Variants in CACNA1I observed in about 807,000 individuals in gnomAD.
CACNA1I encodes the protein voltage-dependent T-type calcium channel subunit alpha-1I.
CACNA1I carries 74 observed loss-of-function variants against 201.6 expected under a neutral mutation model. The ratio of observed to expected loss-of-function variants is 0.37; its 90% CI spans 0.30 to 0.45. The LOEUF (loss-of-function observed/expected upper bound fraction) is 0.45, where lower values mean the gene tolerates loss of function less well. Among genes scored for constraint, CACNA1I ranks in the 20% least tolerant of loss-of-function variants. The pLI is 1.00. For missense variants in CACNA1I, 2,346 were observed against 3,138.1 expected, an observed-to-expected ratio of 0.75 and a Z score of 6.03; for synonymous variants, 1,431 against 1,345.2, an observed-to-expected ratio of 1.06 and a Z score of -1.40.
intron 7 of CACNA1I, among the ~76,000 whole-genome samples, chr22:39,646,056 G>T (rs537344536): frequency 1.3e-5 from 2 of 152,092 alleles, no homozygotes; most frequent in Non-Finnish European, 2.9e-5. Flanking sequence ...AGGCGGATGG[G>T]GGCTAGGCCA....
At chr22:39,635,922 G>T (rs969674942) in intron 5 of CACNA1I, among the ~76,000 whole-genome samples, 3 of 152,028 alleles carry the variant, frequency 2.0e-5, no homozygotes, top group Non-Finnish European at 4.4e-5. Context: ...AGCCCTGCTG[G>T]GTTTTCTTCT....
chr22:39,613,805 G>A (rs1933452239), intron 3 of CACNA1I, among the ~76,000 whole-genome samples: 2 of 152,000 alleles, frequency 1.3e-5, no homozygotes, highest in Admixed American at 6.6e-5. Context: ...GAGCTCCTGG[G>A]TCCCTTGGTA....
At chr22:39,622,749 T>G (rs977822070) in intron 4 of CACNA1I, among the ~76,000 whole-genome samples, 6 of 117,878 alleles carry the variant, frequency 5.1e-5, no homozygotes, top group African/African-American at 1.6e-4. Context: ...CCAGTCCAGG[T>G]CCTCCTTGAG....
At chr22:39,602,920 G>A (rs181414566) in intron 3 of CACNA1I, among the ~76,000 whole-genome samples, 2 of 152,186 alleles carry the variant, frequency 1.3e-5, no homozygotes, top group African/African-American at 4.8e-5. Flanking sequence ...GGGAGGCCGA[G>A]GCAAGAGGAT....
chr22:39,618,546 T>G (rs1054666577), intron 3 of CACNA1I, among the ~76,000 whole-genome samples: 1 of 151,974 alleles, frequency 6.6e-6, no homozygotes, highest in African/African-American at 2.4e-5. Context: ...GAGCTTTCAC[T>G]CAATGACTCT....
intron 8 of CACNA1I, among the ~76,000 whole-genome samples, chr22:39,647,165 A>T (rs967549798): frequency 6.0e-5 from 2 of 33,216 alleles, no homozygotes; most frequent in South Asian, 9.5e-4. Flanking sequence ...TCGGCCTCGG[A>T]GGAAGCCACA....
chr22:39,660,459 A>AC (rs1239960317), intron 15 of CACNA1I, 22 bp downstream of exon 15: 1 of 1,571,576 alleles, frequency 6.4e-7, no homozygotes, highest in African/African-American at 1.4e-5. Context: ...CTCGCTTGTC[A>AC]CCTAGAGAGC....
At chr22:39,591,551 C>CTTTT (rs1368165019) in intron 1 of CACNA1I, among the ~76,000 whole-genome samples, 1 of 152,034 alleles carries the variant, frequency 6.6e-6, no homozygotes, top group East Asian at 1.9e-4. Context: ...AGCATCTCTT[C>CTTTT]TTTTCTTTTC....
In CACNA1I at chr22:39,677,718, G is replaced by A. The variant is rs1349350072; in HGVS notation, c.4934-269G>A. On this transcript the variant is annotated intron_variant, in intron 30 of 36. Transcript: ENST00000402142. The surrounding 1 kb of genome is among the most constrained non-coding windows in gnomAD (Gnocchi z 4.8). ...GCACCGGGATGGCTCCAGAAAGCAG[G>A]GTTCCCCGAGGGGCTGGCCCTCACC... is the stretch of plus-strand genomic sequence containing the variant. 6.6e-6 allele frequency among the ~76,000 whole-genome samples: 1 copy of A among 152,340 alleles called. No individual in the cohort carries two copies. The highest frequency in any genetic ancestry group is 6.5e-5 in the Admixed American group (1 of 15,302).
Position 39,600,432 on chromosome 22 carries a change from T to G in CACNA1I, c.349-88T>G, listed in dbSNP as rs573809297. On this transcript the variant is annotated intron_variant, in intron 2 of 36. Transcript: ENST00000402142. The stretch of plus-strand genomic sequence containing the variant: ...TCCCAGGCCCCTTGCATCCATGTGG[T>G]GTCCCCACCTCACACTGTGGCTGCA... 10 of 1,093,994 alleles carry G rather than the reference T, an allele frequency of 9.1e-6. 1 individual carries two copies. In the South Asian group the frequency reaches 1.4e-4, roughly 15 times the overall value. 67.8% of individuals were successfully genotyped at this position (1,093,994 alleles called of 1,614,324 possible). A position where few individuals can be genotyped will look rare whatever the true frequency, so the allele number is the denominator to read the frequency against.
At chr22:39,604,765 T>A (rs1041144988) in intron 3 of CACNA1I, among the ~76,000 whole-genome samples, 1 of 151,868 alleles carries the variant, frequency 6.6e-6, no homozygotes, top group African/African-American at 2.4e-5. Flanking sequence ...TTTTACTTTT[T>A]AATTTTTTTG....
Position 39,640,967 on chromosome 22 carries a change from C to T in CACNA1I, c.841C>T (p.His281Tyr). The T allele has an allele frequency of 6.2e-7, 1 of 1,614,060 alleles. No individual in the cohort carries two copies. The highest frequency in any genetic ancestry group is 8.5e-7 in the Non-Finnish European group (1 of 1,179,910). Residue 281 changes from histidine to tyrosine, a missense_variant, in exon 6 of 37, where the codon CAT becomes TAT. His to Tyr is a moderately conservative substitution (Grantham distance 83). This residue lies in a region of CACNA1I where 227 missense variants were observed against 412.5 expected (regional missense o/e 0.55). Coordinates refer to ENST00000402142, the MANE Select transcript of CACNA1I (RefSeq NM_021096.4). ...GGGCGACAATGGGATAATGGGCTGC[C>T]ATGAGATCCCCCCGCTCAAGGAGCA... Reference protein sequence around the residue: ...LSGDNGIMGCHEIPPLKEQGR... With the variant: ...LSGDNGIMGCYEIPPLKEQGR...
intron 4 of CACNA1I, among the ~76,000 whole-genome samples, chr22:39,633,201 A>G (rs1348393145): frequency 4.6e-5 from 7 of 152,200 alleles, no homozygotes; most frequent in East Asian, 1.9e-4. Flanking sequence ...ATGAGTAGTC[A>G]TTGAACAAAT....
At chr22:39,647,603 C>T (rs564186755) in intron 8 of CACNA1I, among the ~76,000 whole-genome samples, 2 of 152,140 alleles carry the variant, frequency 1.3e-5, no homozygotes, top group African/African-American at 2.4e-5. Flanking sequence ...TTTGTAAAGA[C>T]GGGTCTCCCT....
chr22:39,642,258 A>G (rs919506744), intron 6 of CACNA1I, among the ~76,000 whole-genome samples: 1 of 151,694 alleles, frequency 6.6e-6, no homozygotes, highest in Non-Finnish European at 1.5e-5. Context: ...CACTCTGTGC[A>G]TTTGCCAGAA....
intron 3 of CACNA1I, among the ~76,000 whole-genome samples, chr22:39,614,691 T>C (rs1569062520): frequency 6.6e-6 from 1 of 152,214 alleles, no homozygotes; most frequent in East Asian, 1.9e-4. Flanking sequence ...TCTGGACCTC[T>C]GCTAGGAGCC....
Position 39,663,805 on chromosome 22 carries a change from C to T in CACNA1I, c.3561C>T (p.Ile1187=), listed in dbSNP as rs1390952506. 3.1e-6 allele frequency: 5 copies of T among 1,604,672 alleles called. No individual in the cohort carries two copies. The highest frequency in any genetic ancestry group is 1.3e-5 in the African/African-American group (1 of 74,732). Residue 1187 remains isoleucine (I), a synonymous_variant, in exon 19 of 37, where the codon ATC becomes ATT. Coordinates refer to ENST00000402142, the MANE Select transcript of CACNA1I (RefSeq NM_021096.4). ...LAFIFLNCIT[I]ALERPQIEAG... ...TCATCTTTCTCAACTGCATCACCAT[C>T]GCCCTGGAGCGGCCTCAGATCGAGG...
At chr22:39,670,350 C>A in intron 25 of CACNA1I, 120 bp downstream of exon 25, 1 of 1,008,808 alleles carries the variant, frequency 9.9e-7, no homozygotes, top group Non-Finnish European at 1.4e-6. Flanking sequence ...CCCCTGTGCC[C>A]AGGGCTCAGC....
intron 3 of CACNA1I, among the ~76,000 whole-genome samples, chr22:39,616,732 C>T (rs994576952): frequency 2.0e-5 from 3 of 148,900 alleles, no homozygotes; most frequent in African/African-American, 7.5e-5. Context: ...CCATTGCACT[C>T]CAGCCTGGGC....
Sources: allele counts gnomAD v4.1 joint callset (sites outside exome capture counted in the v4.1 genomes callset), GRCh38; gene constraint gnomAD v4.1.1; regional missense constraint gnomAD v4.1.1; non-coding constraint Gnocchi (gnomAD v3.1); transcripts MANE v1.5; gene names NCBI Gene and HGNC (gene_info 2026-07-23, HGNC 2026-07-21).